The following ZNF773 variants were observed in gnomAD, a reference collection of about 807,000 sequenced individuals.
The protein encoded by ZNF773 is zinc finger protein 419B.
ZNF773 carries 11 observed loss-of-function variants against 12.8 expected under a neutral mutation model. The ratio of observed to expected loss-of-function variants is 0.86; its 90% confidence interval spans 0.54 to 1.42. ZNF773 has a LOEUF of 1.42. ZNF773 is among the 40% of genes most tolerant of loss of function. ZNF773 has a pLI of 0.00. For synonymous variants in ZNF773, 175 were observed against 178.4 expected (o/e 0.98, Z 0.15); for missense variants, 518 against 527.2 (o/e 0.98, Z 0.17).
At chr19:57,500,142 C>T (rs739586) in intron 1 of ZNF773, 29 bp downstream of exon 1, 307,326 of 1,594,094 alleles carry the variant, frequency 0.19, 30,357 homozygotes, top group African/African-American at 0.25. Flanking sequence ...CGGCCTCCCC[C>T]GAATCCTAAA....
intron 1 of ZNF773, among the ~76,000 whole-genome samples, chr19:57,501,881 A>G (rs916405915): frequency 6.6e-6 from 1 of 152,024 alleles, no homozygotes; most frequent in African/African-American, 2.4e-5. Flanking sequence ...CTCCCCTTCC[A>G]TTTGAGTTCC....
chr19:57,501,243 T>C (rs540888144), intron 1 of ZNF773, among the ~76,000 whole-genome samples: 1 of 151,812 alleles, frequency 6.6e-6, no homozygotes, highest in East Asian at 1.9e-4. Context: ...GGCAGCCAGA[T>C]TGCCAAAAGG....
At chr19:57,504,619 A>C in intron 1 of ZNF773, 38 bp from the exon 2 acceptor site, 1 of 1,610,716 alleles carries the variant, frequency 6.2e-7, no homozygotes, top group Non-Finnish European at 8.5e-7. Flanking sequence ...ATTCCCCAGT[A>C]AGGAGACCGC....
chr19:57,505,801 A>G (rs1014443288), intron 3 of ZNF773, among the ~76,000 whole-genome samples: 5 of 145,478 alleles, frequency 3.4e-5, no homozygotes, highest in African/African-American at 1.3e-4. Context: ...AGCTCCGCCT[A>G]TCAGGTTGAT....
intron 1 of ZNF773, among the ~76,000 whole-genome samples, chr19:57,500,515 A>G (rs1476795561): frequency 6.6e-6 from 1 of 151,532 alleles, no homozygotes; most frequent in Non-Finnish European, 1.5e-5. Context: ...GCGGGTGAAG[A>G]CAGACCTGTG....
downstream of ZNF773, among the ~76,000 whole-genome samples, chr19:57,508,949 T>G (rs1446121715): frequency 6.6e-6 from 1 of 152,190 alleles, no homozygotes; most frequent in Non-Finnish European, 1.5e-5. Context: ...TATTTTTTCA[T>G]GGTCTGTGGC....
At chr19:57,505,931 G>A (rs1386661389) in intron 3 of ZNF773, among the ~76,000 whole-genome samples, 1 of 152,140 alleles carries the variant, frequency 6.6e-6, no homozygotes, top group Non-Finnish European at 1.5e-5. Context: ...GAATGGTCTC[G>A]ATCTCCTGAC....
In ZNF773 at chr19:57,506,407, T is replaced by C. The variant is rs2089734935; in HGVS notation, c.312T>C (p.Ser104=). The C allele has an allele frequency of 6.2e-7, 1 of 1,614,182 alleles. No individual in the cohort carries two copies. Among genetic ancestry groups the C allele is most frequent in the Non-Finnish European group, 8.5e-7 (1 of 1,180,020 alleles). ...KAEAAAEQSA[S]VEVPSSNVQQ... Reference sequence around the variant, plus strand: ...AGGCAGCTGCTGAGCAGAGTGCTTCTGTAGAAGTGCCCAGTTCAAACGTTC... The same window carrying C: ...AGGCAGCTGCTGAGCAGAGTGCTTCCGTAGAAGTGCCCAGTTCAAACGTTC... Residue 104 remains serine (S), a synonymous_variant, in exon 4 of 4, where the codon TCT becomes TCC. Coordinates refer to ENST00000282292, the MANE Select transcript of ZNF773 (RefSeq NM_198542.3).
chr19:57,510,768 T>C (rs2089788094), downstream of ZNF773, among the ~76,000 whole-genome samples: 1 of 152,110 alleles, frequency 6.6e-6, no homozygotes. Flanking sequence ...ATATGAAATA[T>C]TTAGAAATAA....
chr19:57,514,832 C>T (rs2089821812), downstream of ZNF773: 1 of 152,152 alleles, frequency 6.6e-6, no homozygotes, highest in Non-Finnish European at 1.5e-5. Context: ...AATAGATAAC[C>T]ATTATCCATC....
rs531061219 is a variant in ZNF773, at chr19:57,505,772, G to A, written c.262+372G>A. 1.4e-4 allele frequency among the ~76,000 whole-genome samples: 21 copies of A among 148,254 alleles called. No individual in the cohort carries two copies. The East Asian group carries it at 3.0e-3, about 21-fold the overall frequency. On this transcript the variant is annotated intron_variant, in intron 3 of 3. Transcript: ENST00000282292. The stretch of plus-strand genomic sequence containing the variant: ...GTCGCCTAGGCTGGAGGGCAGTGGC[G>A]TGATCTCGGCTCACTGCAAGCTCCG...
chr19:57,513,119 C>T (rs765746148), downstream of ZNF773: 14 of 1,441,936 alleles, frequency 9.7e-6, no homozygotes, highest in South Asian at 2.0e-4. Context: ...GAATGAGAAA[C>T]CCCAGGACAA....
At chr19:57,502,564 T>G (rs1362036222) in intron 1 of ZNF773, among the ~76,000 whole-genome samples, 1 of 152,192 alleles carries the variant, frequency 6.6e-6, no homozygotes, top group African/African-American at 2.4e-5. Flanking sequence ...TGAGAACACC[T>G]GTAGGGTTAA....
downstream of ZNF773, chr19:57,514,669 T>C: frequency 6.6e-6 from 1 of 152,256 alleles, no homozygotes; most frequent in Non-Finnish European, 1.5e-5. Context: ...TTTCTTTAAT[T>C]ACTCAACTTA....
chr19:57,508,440 T>TTCTTTAA, downstream of ZNF773: 1 of 661,526 alleles, frequency 1.5e-6, no homozygotes, highest in Middle Eastern at 2.5e-4. Context: ...ATGTTAGATC[T>TTCTTTAA]TCTTTAATAA....
chr19:57,510,856 C>G (rs1380775237), downstream of ZNF773, among the ~76,000 whole-genome samples: 1 of 151,804 alleles, frequency 6.6e-6, no homozygotes, highest in African/African-American at 2.4e-5. Flanking sequence ...ATAAATGACA[C>G]AAGAAGTTCC....
chr19:57,517,877 G>A (rs1600158728), downstream of ZNF773: 1 of 152,202 alleles, frequency 6.6e-6, no homozygotes, highest in African/African-American at 2.4e-5. Context: ...TTCCAGCAAG[G>A]TTTAGGGAGC....
At chr19:57,503,921 G>A (rs1340296732) in intron 1 of ZNF773, among the ~76,000 whole-genome samples, 1 of 152,116 alleles carries the variant, frequency 6.6e-6, no homozygotes, top group Non-Finnish European at 1.5e-5. Flanking sequence ...GCCTCCAAAA[G>A]TGGCAGGATT....
In ZNF773 at chr19:57,507,361, AT is replaced by A. The variant is rs1182979095; in HGVS notation, c.1272del (p.Arg425AlafsTer43). ...CTTATGAGTGCAGGGAATGTGGGAAATTTTTTCGCCACAGCTCCAGTCTTGT... is the reference window on the plus strand; with the variant it reads ...CTTATGAGTGCAGGGAATGTGGGAAATTTTTCGCCACAGCTCCAGTCTTGT... ...KPYECRECGK[F>X]FRHSSSLVKH... On this transcript the variant is annotated frameshift_variant, in exon 4 of 4. Transcript: ENST00000282292. LOFTEE classifies it low-confidence loss of function (END_TRUNC). The A allele has an allele frequency of 6.2e-7, 1 of 1,612,678 alleles. No individual in the cohort carries two copies. Among genetic ancestry groups the A allele is most frequent in the Admixed American group, 1.7e-5 (1 of 59,698 alleles).
Sources: allele counts gnomAD v4.1 joint callset (sites outside exome capture counted in the v4.1 genomes callset), GRCh38; gene constraint gnomAD v4.1.1; transcripts MANE v1.5; gene names NCBI Gene and HGNC (gene_info 2026-07-23, HGNC 2026-07-21).